The following RAP1GAP2 variants were observed in gnomAD, a reference collection of about 807,000 sequenced individuals.
RAP1GAP2 encodes the protein rap1 GTPase-activating protein 2.
RAP1GAP2 carries 27 observed loss-of-function variants against 95.0 expected under a neutral mutation model. The ratio of observed to expected loss-of-function variants is 0.28; its 90% CI spans 0.21 to 0.39. The LOEUF (loss-of-function observed/expected upper bound fraction) is 0.39. RAP1GAP2 is among the 10% of genes least tolerant of loss of function. RAP1GAP2 has a pLI of 1.00. For missense variants in RAP1GAP2, 771 were observed against 970.0 expected (o/e 0.79, Z 2.72); for synonymous variants, 373 against 380.9 (o/e 0.98, Z 0.24).
chr17:2,806,376 T>TTATTATTATTATTATTATTA lies in RAP1GAP2; in HGVS notation c.80+5827_80+5828insATTATTATTATTATTATTAT. Among the ~76,000 whole-genome samples the TTATTATTATTATTATTATTA allele has an allele frequency of 2.9e-5, 4 of 139,950 alleles. No individual in the cohort carries two copies. The East Asian group carries it at 6.3e-4, about 22-fold the overall frequency. 91.8% of individuals were successfully genotyped at this position (139,950 alleles called of 152,430 possible). A position where few individuals can be genotyped will look rare whatever the true frequency, so the allele number is the denominator to read the frequency against. On this transcript the variant is annotated intron_variant, in intron 2 of 24. Coordinates refer to ENST00000254695, the MANE Select transcript of RAP1GAP2 (RefSeq NM_015085.5). ...TTGATTTCTTCTCTGCTACAACCTT[T>TTATTATTATTATTATTATTA]TTATTATTATTATTATTATTATTAT...
At chr17:2,802,220 T>C (rs1218267505) in intron 2 of RAP1GAP2, among the ~76,000 whole-genome samples, 1 of 152,196 alleles carries the variant, frequency 6.6e-6, no homozygotes, top group Non-Finnish European at 1.5e-5. Flanking sequence ...TTGCCAGCCC[T>C]GGTTGTGTAT....
Position 2,867,556 on chromosome 17 carries a change from C to G in RAP1GAP2, c.81-37728C>G, listed in dbSNP as rs13342146. 6.6e-6 allele frequency among the ~76,000 whole-genome samples: 1 copy of G among 152,160 alleles called. No individual in the cohort carries two copies. The highest frequency in any genetic ancestry group is 6.5e-5 in the Admixed American group (1 of 15,270). On this transcript the variant is annotated intron_variant, in intron 2 of 24. Transcript: ENST00000254695. This position sits in a 1 kb window ranked among gnomAD's most constrained non-coding sequence, Gnocchi z 4.5. Reference sequence around the variant, plus strand: ...GCAGATGTCCCAGGGATGGCTCACCCTGGACAGAAAGTGAGTCACATACGC... The same window carrying G: ...GCAGATGTCCCAGGGATGGCTCACCGTGGACAGAAAGTGAGTCACATACGC...
chr17:2,885,274 C>T (rs1171156761), intron 2 of RAP1GAP2, among the ~76,000 whole-genome samples: 2 of 152,114 alleles, frequency 1.3e-5, no homozygotes, highest in African/African-American at 4.8e-5. Context: ...CCTCGTGATC[C>T]ACCCGCCTCG....
chr17:2,830,307 G>A (rs1198835500), intron 2 of RAP1GAP2, among the ~76,000 whole-genome samples: 1 of 151,970 alleles, frequency 6.6e-6, no homozygotes, highest in African/African-American at 2.4e-5. Context: ...CGAGCTACTC[G>A]GGAGGCTGAG....
rs754427262 is a variant in RAP1GAP2, at chr17:2,904,078, C to T, written c.81-1206C>T. On this transcript the variant is annotated intron_variant, in intron 2 of 24. Transcript: ENST00000254695. This position sits in a 1 kb window ranked among gnomAD's most constrained non-coding sequence, Gnocchi z 4.7. ...GCTGACTCTCTCTGCTGCTTCAGAGCGGGGCTGTAGAGGAGGACACACTTG... is the reference window on the plus strand; with the variant it reads ...GCTGACTCTCTCTGCTGCTTCAGAGTGGGGCTGTAGAGGAGGACACACTTG... 6.6e-6 allele frequency among the ~76,000 whole-genome samples: 1 copy of T among 152,156 alleles called. No homozygotes were observed. The highest frequency in any genetic ancestry group is 1.5e-5 in the Non-Finnish European group (1 of 68,034).
chr17:2,774,296 C>A (rs548673047), upstream of RAP1GAP2, among the ~76,000 whole-genome samples: 14 of 152,196 alleles, frequency 9.2e-5, no homozygotes, highest in South Asian at 2.9e-3. Context: ...TGTTCTGAGG[C>A]CAAGGCTCTA....
chr17:2,971,668 A>C (rs1378780793), intron 8 of RAP1GAP2, among the ~76,000 whole-genome samples: 1 of 152,180 alleles, frequency 6.6e-6, no homozygotes. Context: ...CATTTTCCTC[A>C]TCTGTGAAAT....
chr17:3,018,856 A>C (rs2046864883), intron 18 of RAP1GAP2, among the ~76,000 whole-genome samples: 1 of 152,088 alleles, frequency 6.6e-6, no homozygotes, highest in Admixed American at 6.5e-5. Context: ...CAAGGTCAGG[A>C]GTTCAAGACC....
intron 3 of RAP1GAP2, among the ~76,000 whole-genome samples, chr17:2,954,247 G>T (rs1159721689): frequency 6.6e-6 from 1 of 151,978 alleles, no homozygotes; most frequent in Non-Finnish European, 1.5e-5. Flanking sequence ...TGGGATTACA[G>T]GCGCCCGCCA....
chr17:2,874,755 G>A (rs529479603), intron 2 of RAP1GAP2, among the ~76,000 whole-genome samples: 5 of 152,212 alleles, frequency 3.3e-5, no homozygotes, highest in South Asian at 2.1e-4. Context: ...TTTAGCTTGC[G>A]AGCTCTCTGC....
Position 3,018,123 on chromosome 17 carries a change from C to A in RAP1GAP2, c.1557C>A (p.His519Gln). 1 of 1,589,104 alleles carries A rather than the reference C, an allele frequency of 6.3e-7. No individual in the cohort carries two copies. The highest frequency in any genetic ancestry group is 1.8e-5 in the Admixed American group (1 of 56,536). The change falls in exon 18 of 25, where the codon CAC (histidine) becomes CAA (glutamine). Residue 519 changes from histidine to glutamine, a missense_variant. By Grantham distance (24) the His-to-Gln change is conservative. Transcript: ENST00000254695. ...TGGTGGGCGGCCAGAAGAAGTCGCA[C>A]AGTGGGGGCATCCCTGGCAGCCTCA... ...ETMVGGQKKS[H>Q]SGGIPGSLSG...
chr17:2,814,283 C>T lies in RAP1GAP2; in HGVS notation c.80+13733C>T, dbSNP rs543342937. Among the ~76,000 whole-genome samples the T allele has an allele frequency of 1.1e-4, 16 of 152,292 alleles. No homozygotes were observed. The South Asian group carries it at 2.3e-3, about 22-fold the overall frequency. ...AGTTCTGGTTTTGTTTTCTCACAAT[C>T]GTGCCTCCTCTTGATCTTCAGCTGC... On this transcript the variant is annotated intron_variant, in intron 2 of 24. Coordinates refer to ENST00000254695, the MANE Select transcript of RAP1GAP2 (RefSeq NM_015085.5).
At chr17:2,939,699 G>A (rs8064891) in intron 3 of RAP1GAP2, among the ~76,000 whole-genome samples, 2 of 151,920 alleles carry the variant, frequency 1.3e-5, no homozygotes, top group East Asian at 1.9e-4. Context: ...AGGGATGGAG[G>A]GGGGAGGCTT....
At chr17:2,837,093 A>G (rs962832480) in intron 2 of RAP1GAP2, among the ~76,000 whole-genome samples, 2 of 152,032 alleles carry the variant, frequency 1.3e-5, no homozygotes, top group African/African-American at 4.8e-5. Context: ...ACTACAAAAA[A>G]TTAAAAAATT....
At chr17:2,891,814 CTTTTTTT>C (rs917540694) in intron 2 of RAP1GAP2, among the ~76,000 whole-genome samples, 30 of 54,290 alleles carry the variant, frequency 5.5e-4, no homozygotes, top group African/African-American at 1.3e-3. Flanking sequence ...TATTTCTTTT[CTTTTTTT>C]TTTTTTTTTT....
chr17:2,910,164 A>C (rs2042325537), intron 3 of RAP1GAP2, among the ~76,000 whole-genome samples: 1 of 152,224 alleles, frequency 6.6e-6, no homozygotes, highest in South Asian at 2.1e-4. Flanking sequence ...TTCCCTGAGC[A>C]TAGCGACTGT....
upstream of RAP1GAP2, among the ~76,000 whole-genome samples, chr17:2,793,352 C>G (rs1343982696): frequency 6.6e-6 from 1 of 152,188 alleles, no homozygotes; most frequent in Non-Finnish European, 1.5e-5. Context: ...CAGGGTTTCA[C>G]CATGTTGGCC....
chr17:2,863,204 G>A (rs561493515), intron 2 of RAP1GAP2, among the ~76,000 whole-genome samples: 1 of 152,066 alleles, frequency 6.6e-6, no homozygotes, highest in East Asian at 1.9e-4. Flanking sequence ...CATTTCTAGG[G>A]GTGAGTACAC....
At chr17:2,932,741 G>C (rs1008989435) in intron 3 of RAP1GAP2, among the ~76,000 whole-genome samples, 1 of 149,262 alleles carries the variant, frequency 6.7e-6, no homozygotes, top group African/African-American at 2.5e-5. Context: ...ACTTGAACCC[G>C]GGGGAGGCAG....
Sources: allele counts gnomAD v4.1 joint callset (sites outside exome capture counted in the v4.1 genomes callset), GRCh38; gene constraint gnomAD v4.1.1; non-coding constraint Gnocchi (gnomAD v3.1); transcripts MANE v1.5; gene names NCBI Gene and HGNC (gene_info 2026-07-23, HGNC 2026-07-21).